The following SFMBT2 variants were observed in gnomAD, a reference collection of about 807,000 sequenced individuals.
The protein encoded by SFMBT2 is Scm like with four mbt domains 2.
Under a neutral mutation model 110.1 loss-of-function variants are expected in SFMBT2, and 38 were observed. The observed-to-expected ratio is 0.35, with a 90% CI of 0.27 to 0.45. The LOEUF (loss-of-function observed/expected upper bound fraction) is 0.45. Ranked by LOEUF, SFMBT2 falls within the 20% of genes least tolerant of loss-of-function variation. The pLI is 1.00. For synonymous variants in SFMBT2, 425 were observed against 425.4 expected (o/e 1.00, Z 0.01); for missense variants, 1,011 against 1,094.9 (o/e 0.92, Z 1.08).
chr10:7,321,650 G>T (rs1236453357), intron 4 of SFMBT2, among the ~76,000 whole-genome samples: 1 of 152,066 alleles, frequency 6.6e-6, no homozygotes, highest in Admixed American at 6.5e-5. Flanking sequence ...TTTAACACGA[G>T]AGTTTGTATA....
At chr10:7,311,714 C>T (rs909939533) in intron 4 of SFMBT2, among the ~76,000 whole-genome samples, 2 of 152,118 alleles carry the variant, frequency 1.3e-5, no homozygotes, top group Non-Finnish European at 2.9e-5. Context: ...ATATAAATTA[C>T]AATCAGATTA....
rs911553748 is a variant in SFMBT2, at chr10:7,394,086, G to A, written c.-51-12137C>T. Among the ~76,000 whole-genome samples, 5 of 151,874 alleles carry A rather than the reference G, an allele frequency of 3.3e-5. No homozygotes were observed. The East Asian group carries it at 5.8e-4, about 18-fold the overall frequency. On this transcript the variant is annotated intron_variant, in intron 1 of 20. Coordinates refer to ENST00000397167, the MANE Select transcript of SFMBT2 (RefSeq NM_001387889.1). ...GCTTCGATCTCGGCTCACTGCCTCC[G>A]CCTCCCGGGTTCAAGAGATCCTCCT...
intron 6 of SFMBT2, among the ~76,000 whole-genome samples, chr10:7,281,157 G>A (rs1187591404): frequency 2.6e-5 from 4 of 152,164 alleles, no homozygotes; most frequent in African/African-American, 9.7e-5. Context: ...GCGATGGGAA[G>A]ATCACTTGAA....
intron 12 of SFMBT2, chr10:7,202,855 G>A: frequency 1.0e-6 from 1 of 985,420 alleles, no homozygotes; most frequent in Non-Finnish European, 1.2e-6. Context: ...GTTGCAAGCA[G>A]TTATCCGGAA....
Position 7,197,626 on chromosome 10 carries a change from G to A in SFMBT2, c.1620C>T (p.Gly540=). ...QLFINHRCFS[G]PYLNKGRIAE... Reference sequence around the variant, plus strand: ...CAATCCTTCCTTTGTTCAGGTAAGGGCCTGAGAAACACCTGTGGTTGATGA... The same window carrying A: ...CAATCCTTCCTTTGTTCAGGTAAGGACCTGAGAAACACCTGTGGTTGATGA... Residue 540 remains glycine, a synonymous_variant, in exon 15 of 21, where the codon GGC becomes GGT. Coordinates refer to ENST00000397167, the MANE Select transcript of SFMBT2 (RefSeq NM_001387889.1). 1.9e-6 allele frequency: 3 copies of A among 1,614,208 alleles called. No homozygotes were observed. The highest frequency in any genetic ancestry group is 2.5e-6 in the Non-Finnish European group (3 of 1,180,040).
intron 4 of SFMBT2, among the ~76,000 whole-genome samples, chr10:7,337,319 C>G (rs2131975437): frequency 6.6e-6 from 1 of 152,332 alleles, no homozygotes; most frequent in African/African-American, 2.4e-5. Context: ...TCATTTCATT[C>G]TATTCCAAGG....
intron 16 of SFMBT2, among the ~76,000 whole-genome samples, chr10:7,185,275 G>A (rs533585513): frequency 8.5e-5 from 13 of 152,296 alleles, no homozygotes; most frequent in Admixed American, 3.9e-4. Context: ...CACCTCGTGC[G>A]TTTTCAGGAC....
chr10:7,228,385 A>T, intron 9 of SFMBT2: 1 of 832,588 alleles, frequency 1.2e-6, no homozygotes, highest in Non-Finnish European at 1.4e-6. Context: ...TTAAAAAAAA[A>T]AAAAACAAAA....
At chr10:7,181,473 A>T (rs1436114934) in intron 16 of SFMBT2, among the ~76,000 whole-genome samples, 1 of 152,222 alleles carries the variant, frequency 6.6e-6, no homozygotes, top group Non-Finnish European at 1.5e-5. Flanking sequence ...TCCCAAATCA[A>T]TCAGGAGAAT....
At chr10:7,358,754 AGCATGGCCCTAGAACATCT>A (rs1294182136) in intron 4 of SFMBT2, among the ~76,000 whole-genome samples, 3 of 148,796 alleles carry the variant, frequency 2.0e-5, no homozygotes, top group Non-Finnish European at 4.5e-5. Context: ...CTGAGACATC[AGCATGGCCCTAGAACATCT>A]GCATGGCCCT....
chr10:7,360,539 C>T (rs553888472), intron 4 of SFMBT2, among the ~76,000 whole-genome samples: 9 of 151,980 alleles, frequency 5.9e-5, no homozygotes, highest in East Asian at 1.9e-4. Context: ...ACACCAAACA[C>T]GGATTTCTGG....
chr10:7,246,840 T>G (rs916221886), intron 8 of SFMBT2, among the ~76,000 whole-genome samples: 6 of 151,682 alleles, frequency 4.0e-5, no homozygotes, highest in Non-Finnish European at 8.8e-5. Flanking sequence ...GTGATACATC[T>G]GCAGACAGAT....
intron 4 of SFMBT2, among the ~76,000 whole-genome samples, chr10:7,322,522 T>G (rs1203592860): frequency 6.6e-6 from 1 of 152,100 alleles, no homozygotes; most frequent in Admixed American, 6.6e-5. Flanking sequence ...CGATTCCAGA[T>G]GGATTAAAGA....
rs1837882026 is a variant in SFMBT2 at position 7,171,914 on chromosome 10, G to A, written c.2396C>T (p.Thr799Ile). Residue 799 changes from threonine to isoleucine, a missense_variant, in exon 19 of 21, where the codon ACC becomes ATC. By Grantham distance (89) the Thr-to-Ile change is moderately conservative. Transcript: ENST00000397167. The surrounding 1 kb of genome is among the most constrained non-coding windows in gnomAD (Gnocchi z 4.9). ...SAEEGEKCPPTKPEGTEDTKQ... is the reference protein window; with the variant it reads ...SAEEGEKCPPIKPEGTEDTKQ... ...CATCACCTCTGTCCCCTCGGGCTTGGTCGGCGGGCACTTCTCCCCTTCCTC... is the reference window on the plus strand; with the variant it reads ...CATCACCTCTGTCCCCTCGGGCTTGATCGGCGGGCACTTCTCCCCTTCCTC... 7.0e-7 allele frequency: 1 copy of A among 1,438,286 alleles called. No homozygotes were observed. Among genetic ancestry groups the A allele is most frequent in the Non-Finnish European group, 9.1e-7 (1 of 1,099,034 alleles). The allele number at this position is 1,438,286 out of a possible 1,614,324, so 89.1% of individuals were successfully genotyped here.
chr10:7,366,241 A>G (rs1033189559), intron 4 of SFMBT2, among the ~76,000 whole-genome samples: 16 of 152,118 alleles, frequency 1.1e-4, no homozygotes, highest in African/African-American at 3.9e-4. Flanking sequence ...TTCTTTGGAG[A>G]CAATAAAGGG....
intron 4 of SFMBT2, among the ~76,000 whole-genome samples, chr10:7,324,419 A>G (rs550012603): frequency 1.3e-5 from 2 of 152,350 alleles, no homozygotes; most frequent in Non-Finnish European, 2.9e-5. Flanking sequence ...AGCCAGAAGT[A>G]AAAAGAGAAG....
At chr10:7,379,054 A>T (rs1279293685) in intron 2 of SFMBT2, among the ~76,000 whole-genome samples, 1 of 152,110 alleles carries the variant, frequency 6.6e-6, no homozygotes, top group East Asian at 1.9e-4. Flanking sequence ...TGGGCTGTTG[A>T]ATGCCAGTGG....
At chr10:7,174,810 A>G (rs1837999216) in intron 17 of SFMBT2, among the ~76,000 whole-genome samples, 3 of 152,190 alleles carry the variant, frequency 2.0e-5, no homozygotes, top group Non-Finnish European at 4.4e-5. Context: ...GCTCTTCCGG[A>G]ACCAGGTGAC....
At chr10:7,268,981 G>T (rs191785067) in intron 7 of SFMBT2, among the ~76,000 whole-genome samples, 1 of 152,226 alleles carries the variant, frequency 6.6e-6, no homozygotes, top group African/African-American at 2.4e-5. Context: ...ACTTGTTATA[G>T]ACATGGATAG....
Sources: gnomAD v4.1 joint callset for allele counts (sites outside exome capture counted in the v4.1 genomes callset) on GRCh38, gnomAD v4.1.1 for gene constraint, Gnocchi (gnomAD v3.1) non-coding constraint, MANE v1.5 for transcripts, NCBI Gene and HGNC (gene_info 2026-07-23, HGNC 2026-07-21) for gene names.